The following RBFOX1 variants were observed in gnomAD, a reference collection of about 807,000 sequenced individuals.
RBFOX1 encodes the protein RNA binding protein fox-1 homolog 1.
Under a neutral mutation model 57.7 loss-of-function variants are expected in RBFOX1, and 8 were observed. The ratio of observed to expected loss-of-function variants is 0.14; its 90% CI spans 0.08 to 0.25. RBFOX1 has a LOEUF of 0.25. Among genes scored for constraint, RBFOX1 ranks in the 10% least tolerant of loss-of-function variants. RBFOX1 has a pLI of 1.00. For synonymous variants in RBFOX1, 326 were observed against 222.4 expected, an observed-to-expected ratio of 1.47 and a Z score of -4.15; for missense variants, 611 against 548.5, an observed-to-expected ratio of 1.11 and a Z score of -1.14.
intron 4 of RBFOX1, among the ~76,000 whole-genome samples, chr16:7,154,869 C>G (rs1004437183): frequency 6.6e-6 from 1 of 151,986 alleles, no homozygotes; most frequent in Admixed American, 6.6e-5. Flanking sequence ...TGTTATGAAA[C>G]CCACTTCATA....
intron 9 of RBFOX1, among the ~76,000 whole-genome samples, chr16:7,599,313 A>C (rs1450543195): frequency 6.6e-6 from 1 of 152,270 alleles, no homozygotes; most frequent in East Asian, 1.9e-4. Flanking sequence ...GTGCTTGTCT[A>C]CATATGACTA....
chr16:6,879,758 G>T (rs1161806683), intron 3 of RBFOX1, among the ~76,000 whole-genome samples: 1 of 152,112 alleles, frequency 6.6e-6, no homozygotes, highest in Non-Finnish European at 1.5e-5. Flanking sequence ...AGTGTTCCTG[G>T]CTGTTACTAA....
rs1596640740 is a variant in RBFOX1, at chr16:6,044,305, C to A, written c.-127+24313C>A. Among the ~76,000 whole-genome samples, 4 of 152,264 alleles carry A rather than the reference C, an allele frequency of 2.6e-5. No individual in the cohort carries two copies. The East Asian group carries it at 7.8e-4, about 30-fold the overall frequency. On this transcript the variant is annotated intron_variant, in intron 1 of 15. Transcript: ENST00000550418. The stretch of plus-strand genomic sequence containing the variant: ...TGTTTTCAGAAGCCAAGTGAAATTT[C>A]CACATGAAAGCAAAGCTTTGTGCGT...
rs187004790 is a variant in RBFOX1, at chr16:6,303,541, G to A, written c.-126-13454G>A. ...TAAATATATCACACTATGTACTGAG[G>A]GTTTGCTTTTTGCGTTATTTTGTCT... On this transcript the variant is annotated intron_variant, in intron 1 of 15. Transcript: ENST00000550418. 9.9e-5 allele frequency among the ~76,000 whole-genome samples: 15 copies of A among 152,022 alleles called. No homozygotes were observed. The East Asian group carries it at 2.7e-3, about 28-fold the overall frequency.
chr16:6,287,452 A>G (rs1188749331), intron 1 of RBFOX1, among the ~76,000 whole-genome samples: 2 of 152,156 alleles, frequency 1.3e-5, no homozygotes, highest in Non-Finnish European at 2.9e-5. Context: ...TTTTGAGGAC[A>G]TGTCATGTGT....
chr16:7,133,365 G>A lies in RBFOX1; in HGVS notation c.27+81267G>A, dbSNP rs145030997. On this transcript the variant is annotated intron_variant, in intron 4 of 15. Coordinates refer to ENST00000550418, the MANE Select transcript of RBFOX1 (RefSeq NM_018723.4). Reference sequence around the variant, plus strand: ...TTGTTTCTGTAAATTAGAACATTCCGATGTGAGATGAACATATTGGTTGAA... The same window carrying A: ...TTGTTTCTGTAAATTAGAACATTCCAATGTGAGATGAACATATTGGTTGAA... Among the ~76,000 whole-genome samples the A allele has an allele frequency of 2.0e-4, 31 of 152,262 alleles. No homozygotes were observed. In the East Asian group the frequency reaches 3.9e-3, roughly 19 times the overall value.
intron 3 of RBFOX1, among the ~76,000 whole-genome samples, chr16:5,732,045 G>A (rs561776323): frequency 2.7e-4 from 41 of 152,210 alleles, no homozygotes; most frequent in African/African-American, 8.2e-4. Flanking sequence ...CACGCACAGG[G>A]TAACATTTCC....
At chr16:6,717,957 A>G (rs1460792556) in intron 3 of RBFOX1, among the ~76,000 whole-genome samples, 1 of 152,186 alleles carries the variant, frequency 6.6e-6, no homozygotes, top group Non-Finnish European at 1.5e-5. Flanking sequence ...GCTTCACAAA[A>G]TAAATTCTGT....
intron 1 of RBFOX1, among the ~76,000 whole-genome samples, chr16:6,280,371 C>G (rs2076248334): frequency 6.6e-6 from 1 of 152,112 alleles, no homozygotes; most frequent in African/African-American, 2.4e-5. Flanking sequence ...TCTTTCATAT[C>G]TATCAGCTCA....
In RBFOX1 at chr16:6,297,176, C is replaced by T. The variant is rs183447405; in HGVS notation, c.-126-19819C>T. Among the ~76,000 whole-genome samples, 414 of 152,196 alleles carry T rather than the reference C, an allele frequency of 2.7e-3. 1 individual carries two copies. Among genetic ancestry groups the T allele is most frequent in the Non-Finnish European group, 4.8e-3 (328 of 68,016 alleles). On this transcript the variant is annotated intron_variant, in intron 1 of 15. Transcript: ENST00000550418. ...CATCTTCGTTTTGGTAGGTTTTGGC[C>T]GGCTTTCTTACTACAACCTATTTTA...
chr16:7,109,954 TA>T (rs1448125412), intron 4 of RBFOX1, among the ~76,000 whole-genome samples: 9 of 152,058 alleles, frequency 5.9e-5, no homozygotes, highest in African/African-American at 1.4e-4. Flanking sequence ...AAAACTGTGA[TA>T]GGGGTTATTA....
intron 3 of RBFOX1, among the ~76,000 whole-genome samples, chr16:7,020,973 C>T (rs544196547): frequency 6.6e-6 from 1 of 152,114 alleles, no homozygotes; most frequent in African/African-American, 2.4e-5. Context: ...CTTAAAAATA[C>T]AAAAATTAGT....
At chr16:6,151,118 C>T (rs1310678254) in intron 1 of RBFOX1, among the ~76,000 whole-genome samples, 1 of 152,096 alleles carries the variant, frequency 6.6e-6, no homozygotes, top group Non-Finnish European at 1.5e-5. Flanking sequence ...CATCATCCCT[C>T]CATAAATACA....
At chr16:5,813,686 C>G (rs562680721) in intron 3 of RBFOX1, among the ~76,000 whole-genome samples, 11 of 152,304 alleles carry the variant, frequency 7.2e-5, no homozygotes, top group Admixed American at 4.6e-4. Flanking sequence ...AATAGTTTAT[C>G]TGTATCATAG....
rs2044254666 is a variant in RBFOX1 at position 5,526,571 on chromosome 16, G to A, written c.258+59317G>A. On this transcript the variant is annotated intron_variant, in intron 2 of 2. Coordinates refer to the RBFOX1 transcript ENST00000585867. ...CCCAAAGTGCTGGGATTATAGGTGT[G>A]AGCCACCACACCTGGCTTCCACTCC... Among the ~76,000 whole-genome samples, 3 of 152,294 alleles carry A rather than the reference G, an allele frequency of 2.0e-5. No homozygotes were observed. In the South Asian group the frequency reaches 6.2e-4, roughly 32 times the overall value.
chr16:5,252,586 T>C (rs1347262885), intron 1 of RBFOX1, among the ~76,000 whole-genome samples: 4 of 152,106 alleles, frequency 2.6e-5, no homozygotes, highest in Non-Finnish European at 5.9e-5. Context: ...GGCTGTGGGG[T>C]TGGACACTTC....
intron 1 of RBFOX1, among the ~76,000 whole-genome samples, chr16:5,386,487 A>G (rs560591): frequency 0.55 from 83,407 of 151,728 alleles, 23,328 homozygotes; most frequent in African/African-American, 0.6. Context: ...TATTCCCGAT[A>G]TTTTCTGCTT....
intron 1 of RBFOX1, among the ~76,000 whole-genome samples, chr16:6,222,589 G>T (rs1300797800): frequency 6.7e-6 from 1 of 150,140 alleles, no homozygotes; most frequent in Admixed American, 6.7e-5. Context: ...TCACCTGAAG[G>T]CTTTGTTAAG....
chr16:6,211,764 C>G (rs1194182944), intron 1 of RBFOX1, among the ~76,000 whole-genome samples: 2 of 151,958 alleles, frequency 1.3e-5, no homozygotes, highest in Admixed American at 6.6e-5. Context: ...TGATTTTGTA[C>G]ATAAATGTGA....
Sources: gnomAD v4.1 joint callset for allele counts (sites outside exome capture counted in the v4.1 genomes callset) on GRCh38, gnomAD v4.1.1 for gene constraint, MANE v1.5 for transcripts, NCBI Gene and HGNC (gene_info 2026-07-23, HGNC 2026-07-21) for gene names.